The following NOMO2 variants were observed in gnomAD, a reference collection of about 807,000 sequenced individuals.
NOMO2 encodes the protein NODAL modulator 2, also known as BOS complex subunit NOMO2.
A neutral mutation model predicts 67.1 loss-of-function variants in NOMO2; 14 were observed. The ratio of observed to expected loss-of-function variants is 0.21; its 90% CI spans 0.14 to 0.33. The LOEUF (loss-of-function observed/expected upper bound fraction) is 0.33, where lower values mean the gene tolerates loss of function less well. NOMO2 is among the 10% of genes least tolerant of loss of function. The pLI, the probability that NOMO2 is intolerant of heterozygous loss-of-function variation, is 1.00. For missense variants in NOMO2, 178 were observed against 761.0 expected, an observed-to-expected ratio of 0.23 and a Z score of 9.01; for synonymous variants, 80 against 305.9, an observed-to-expected ratio of 0.26 and a Z score of 7.71.
Position 18,539,097 on chromosome 16 carries a change from G to A in NOMO2, c.964-133C>T, listed in dbSNP as rs1474873772. 37 of 673,750 alleles carry A rather than the reference G, an allele frequency of 5.5e-5. 1 individual carries two copies. The highest frequency in any genetic ancestry group is 2.3e-4 in the South Asian group (14 of 60,176). The allele number at this position is 673,750 out of a possible 1,614,324, so 41.7% of individuals were successfully genotyped here. A position where few individuals can be genotyped will look rare whatever the true frequency, so the allele number is the denominator to read the frequency against. On this transcript the variant is annotated intron_variant, in intron 9 of 30. Transcript: ENST00000622306. ...CCCACCTCCCAACACTCAGTGCCCCGGTCCTGTGTGCCAGCCGGGCTCCCT... is the reference window on the plus strand; with the variant it reads ...CCCACCTCCCAACACTCAGTGCCCCAGTCCTGTGTGCCAGCCGGGCTCCCT...
At chr16:18,557,850 A>C (rs931833633) in intron 1 of NOMO2, 59 bp from the exon 2 acceptor site, 52 of 1,577,142 alleles carry the variant, frequency 3.3e-5, no homozygotes, top group Non-Finnish European at 4.4e-5. Context: ...TTAACTACAC[A>C]TGTTACACCT....
In NOMO2 at chr16:18,533,071, G is replaced by A. The variant is rs753112590; in HGVS notation, c.1329C>T (p.Val443=). 1.9e-6 allele frequency: 3 copies of A among 1,606,766 alleles called. No individual in the cohort carries two copies. Among genetic ancestry groups the A allele is most frequent in the South Asian group, 2.2e-5 (2 of 90,754 alleles). Reference sequence around the variant, plus strand: ...ATCCATGAGCATCTGTCTCCACGGTGACCAAAGACTTGTCCTTGTCTTGAG... The same window carrying A: ...ATCCATGAGCATCTGTCTCCACGGTAACCAAAGACTTGTCCTTGTCTTGAG... ...LSSQDKDKSL[V]TVETDAHGSF... The change falls in exon 12 of 31, where the codon GTC becomes GTT. Residue 443 remains valine, a synonymous_variant. Transcript: ENST00000622306.
chr16:18,534,381 A>G (rs1368320631), intron 11 of NOMO2, among the ~76,000 whole-genome samples: 3 of 150,336 alleles, frequency 2.0e-5, no homozygotes, highest in Admixed American at 6.8e-5. Flanking sequence ...TTCACATGTA[A>G]AAATTACATG....
chr16:18,520,399 C>T (rs1237042516), intron 20 of NOMO2, among the ~76,000 whole-genome samples, 198 bp downstream of exon 20: 2 of 147,544 alleles, frequency 1.4e-5, no homozygotes, highest in Non-Finnish European at 3.0e-5. Flanking sequence ...TCCATCCATC[C>T]ATCCATCCAA....
intron 15 of NOMO2, among the ~76,000 whole-genome samples, chr16:18,528,826 A>G (rs2561925): frequency 0.013 from 1,900 of 149,938 alleles, 20 homozygotes; most frequent in Middle Eastern, 0.021. Context: ...AAAAAAGCTG[A>G]GCATGGCGGC....
At chr16:18,545,133 T>A (rs966798460) in intron 6 of NOMO2, among the ~76,000 whole-genome samples, 1 of 146,946 alleles carries the variant, frequency 6.8e-6, no homozygotes, top group Non-Finnish European at 1.5e-5. Flanking sequence ...TCTCACTCTG[T>A]CACCCAAGCT....
chr16:18,536,591 T>C (rs1251508072), intron 11 of NOMO2, among the ~76,000 whole-genome samples: 1 of 152,000 alleles, frequency 6.6e-6, no homozygotes, highest in East Asian at 1.9e-4. Flanking sequence ...GCTCAAGCGA[T>C]CCACCCGCCT....
rs1332333408 is a variant in NOMO2 at position 18,554,142 on chromosome 16, T to C, written c.301+665A>G. 2.6e-5 allele frequency among the ~76,000 whole-genome samples: 4 copies of C among 152,086 alleles called. No homozygotes were observed. The South Asian group carries it at 8.3e-4, about 32-fold the overall frequency. Reference sequence around the variant, plus strand: ...AGGCAGTTAGTTCTATGAGGAAAGTTTGGAGCTTTTGTTGGGATGTGTGCA... The same window carrying C: ...AGGCAGTTAGTTCTATGAGGAAAGTCTGGAGCTTTTGTTGGGATGTGTGCA... On this transcript the variant is annotated intron_variant, in intron 3 of 30. Transcript: ENST00000622306.
chr16:18,527,073 G>A (rs1472045367), intron 16 of NOMO2, among the ~76,000 whole-genome samples: 17 of 131,004 alleles, frequency 1.3e-4, no homozygotes, highest in African/African-American at 3.9e-4. Flanking sequence ...AAAATTAGCC[G>A]GATGTGGTGG....
At chr16:18,536,124 C>A (rs1901417335) in intron 11 of NOMO2, among the ~76,000 whole-genome samples, 8 of 152,074 alleles carry the variant, frequency 5.3e-5, no homozygotes, top group Admixed American at 5.2e-4. Flanking sequence ...AACGGGTTTC[C>A]ACTGCATTAG....
intron 3 of NOMO2, among the ~76,000 whole-genome samples, chr16:18,553,010 T>C (rs1901824294): frequency 6.6e-6 from 1 of 151,980 alleles, no homozygotes; most frequent in Non-Finnish European, 1.5e-5. Flanking sequence ...GTGGTGGCTC[T>C]TGCCTATAAT....
At chr16:18,538,379 C>G in intron 11 of NOMO2, 147 bp downstream of exon 11, 1 of 989,896 alleles carries the variant, frequency 1.0e-6, no homozygotes, top group Non-Finnish European at 1.4e-6. Context: ...CAGGGCAAGA[C>G]TCTGTCTCTC....
chr16:18,543,205 G>A (rs1388116292), intron 7 of NOMO2, among the ~76,000 whole-genome samples: 2 of 145,670 alleles, frequency 1.4e-5, no homozygotes, highest in Non-Finnish European at 3.0e-5. Context: ...TTTTTTGAGA[G>A]TCTCACTCTG....
chr16:18,559,787 G>A (rs897833525), intron 1 of NOMO2, among the ~76,000 whole-genome samples: 2 of 151,990 alleles, frequency 1.3e-5, no homozygotes, highest in African/African-American at 4.8e-5. Flanking sequence ...CCTAAAGATC[G>A]GCTGGTTTTC....
chr16:18,535,628 C>T (rs907735467), intron 11 of NOMO2, among the ~76,000 whole-genome samples: 4 of 151,896 alleles, frequency 2.6e-5, no homozygotes, highest in African/African-American at 9.7e-5. Context: ...GCCTGCCAGC[C>T]GCCTGGGCCC....
chr16:18,556,480 A>G (rs1901906817), intron 2 of NOMO2, among the ~76,000 whole-genome samples: 1 of 151,122 alleles, frequency 6.6e-6, no homozygotes, highest in African/African-American at 2.4e-5. Flanking sequence ...TATCTATGCT[A>G]ATGTTGAAAG....
At chr16:18,537,089 T>C (rs962532818) in intron 11 of NOMO2, among the ~76,000 whole-genome samples, 1 of 152,052 alleles carries the variant, frequency 6.6e-6, no homozygotes, top group Non-Finnish European at 1.5e-5. Context: ...TAATTCTACT[T>C]GCACATACAT....
intron 2 of NOMO2, among the ~76,000 whole-genome samples, chr16:18,557,477 C>T (rs1436531668): frequency 2.0e-5 from 3 of 151,898 alleles, no homozygotes; most frequent in Middle Eastern, 3.4e-3. Context: ...ACAACAAAAA[C>T]GTCTCTAGAC....
In NOMO2 at chr16:18,529,396, A is replaced by G; in HGVS notation, c.1806+105T>C. 2.1e-5 allele frequency: 34 copies of G among 1,610,274 alleles called. 1 individual carries two copies. The highest frequency in any genetic ancestry group is 2.7e-5 in the Non-Finnish European group (32 of 1,179,036). Reference sequence around the variant, plus strand: ...TGGGCGAGTGGAGAGGCAGAAAAGGAAATCTGACTTGCCTACGTTTACAAT... The same window carrying G: ...TGGGCGAGTGGAGAGGCAGAAAAGGGAATCTGACTTGCCTACGTTTACAAT... On this transcript the variant is annotated intron_variant, in intron 15 of 30. Transcript: ENST00000622306.
Sources: gnomAD v4.1 joint callset for allele counts (sites outside exome capture counted in the v4.1 genomes callset) on GRCh38, gnomAD v4.1.1 for gene constraint, MANE v1.5 for transcripts, NCBI Gene and HGNC (gene_info 2026-07-23, HGNC 2026-07-21) for gene names.